MPPED2: variants seen among roughly 807,000 people sequenced by gnomAD.
The protein encoded by MPPED2 is metallophosphoesterase domain containing 2.
MPPED2 carries 5 observed loss-of-function variants against 33.0 expected under a neutral mutation model. The ratio of observed to expected loss-of-function variants is 0.15; its 90% CI spans 0.08 to 0.32. MPPED2 has a LOEUF of 0.32. Among genes scored for constraint, MPPED2 ranks in the 10% least tolerant of loss-of-function variants. The pLI, the probability that MPPED2 is intolerant of heterozygous loss-of-function variation, is 1.00. For missense variants in MPPED2, 275 were observed against 372.1 expected (o/e 0.74, Z 2.15); for synonymous variants, 136 against 141.9 (o/e 0.96, Z 0.29).
intron 2 of MPPED2, among the ~76,000 whole-genome samples, chr11:30,568,203 C>T (rs1956530826): frequency 6.6e-6 from 1 of 152,126 alleles, no homozygotes; most frequent in Non-Finnish European, 1.5e-5. Context: ...TGATTATGAT[C>T]CCTGCTATAA....
At chr11:30,539,858 G>C (rs1379851962) in intron 2 of MPPED2, among the ~76,000 whole-genome samples, 1 of 152,086 alleles carries the variant, frequency 6.6e-6, no homozygotes, top group Non-Finnish European at 1.5e-5. Flanking sequence ...GAACTCCTGG[G>C]CTCAAGTAAT....
intron 2 of MPPED2, among the ~76,000 whole-genome samples, chr11:30,566,220 T>C (rs544204942): frequency 9.2e-5 from 14 of 152,318 alleles, no homozygotes; most frequent in African/African-American, 3.4e-4. Flanking sequence ...TTCTGACCGA[T>C]AATTGTTGAC....
At chr11:30,500,153 G>C (rs1952490706) in intron 3 of MPPED2, among the ~76,000 whole-genome samples, 1 of 152,158 alleles carries the variant, frequency 6.6e-6, no homozygotes, top group Non-Finnish European at 1.5e-5. Flanking sequence ...AGCGTCCCTG[G>C]AATGTGACTA....
intron 6 of MPPED2, among the ~76,000 whole-genome samples, chr11:30,403,754 A>G (rs1267653736): frequency 6.6e-6 from 1 of 152,102 alleles, no homozygotes; most frequent in Non-Finnish European, 1.5e-5. Flanking sequence ...GGCTTCTCTC[A>G]AGGAATTTTC....
At chr11:30,421,022 C>A (rs1019675510) in intron 4 of MPPED2, among the ~76,000 whole-genome samples, 1 of 152,128 alleles carries the variant, frequency 6.6e-6, no homozygotes, top group Non-Finnish European at 1.5e-5. Context: ...ATTTTGAAAA[C>A]AAGCTTCTGG....
At chr11:30,464,286 C>T (rs1950620882) in intron 4 of MPPED2, among the ~76,000 whole-genome samples, 1 of 151,774 alleles carries the variant, frequency 6.6e-6, no homozygotes, top group Non-Finnish European at 1.5e-5. Context: ...CACACACACA[C>T]ACACACACAC....
Position 30,496,746 on chromosome 11 carries a change from C to T in MPPED2, c.311-1225G>A, listed in dbSNP as rs573981930. ...GGGAGGTGAGGGGAGCAAGTTCCAT[C>T]GTCAGTCCACTTGGATTTCAGCAAT... On this transcript the variant is annotated intron_variant, in intron 3 of 6. Coordinates refer to ENST00000358117, the MANE Select transcript of MPPED2 (RefSeq NM_001584.3). Among the ~76,000 whole-genome samples the T allele has an allele frequency of 1.3e-4, 20 of 152,008 alleles. No homozygotes were observed. The South Asian group carries it at 1.7e-3, about 13-fold the overall frequency.
chr11:30,399,127 G>A (rs1466007163), intron 6 of MPPED2, among the ~76,000 whole-genome samples: 1 of 150,356 alleles, frequency 6.7e-6, no homozygotes, highest in Non-Finnish European at 1.5e-5. Context: ...CTTTGACCTT[G>A]GCAGGATATG....
At chr11:30,460,698 GA>G (rs1950485075) in intron 4 of MPPED2, among the ~76,000 whole-genome samples, 2 of 152,168 alleles carry the variant, frequency 1.3e-5, no homozygotes, top group South Asian at 4.2e-4. Flanking sequence ...AGAATCAGAT[GA>G]ATACTGGTTT....
intron 4 of MPPED2, among the ~76,000 whole-genome samples, chr11:30,422,991 A>G (rs1404050828): frequency 2.0e-5 from 3 of 152,194 alleles, no homozygotes; most frequent in Non-Finnish European, 4.4e-5. Flanking sequence ...GGCAGGGGCT[A>G]AGGGAGTTAA....
intron 3 of MPPED2, among the ~76,000 whole-genome samples, chr11:30,515,161 A>C (rs1241756233): frequency 6.6e-6 from 1 of 152,194 alleles, no homozygotes; most frequent in Non-Finnish European, 1.5e-5. Flanking sequence ...TTATGAGGCA[A>C]TATCTATTAT....
chr11:30,479,050 G>T (rs1456369550), intron 4 of MPPED2, among the ~76,000 whole-genome samples: 1 of 152,086 alleles, frequency 6.6e-6, no homozygotes, highest in Non-Finnish European at 1.5e-5. Flanking sequence ...CATGTCAAGG[G>T]CCGTGGGACA....
At chr11:30,388,250 T>C (rs906261651) in exon 7 of MPPED2, 1 of 152,090 alleles carries the variant, frequency 6.6e-6, no homozygotes, top group African/African-American at 2.4e-5. Flanking sequence ...CATTGAAATA[T>C]GGAATTGTCT....
At chr11:30,527,371 T>G (rs576225856) in intron 3 of MPPED2, among the ~76,000 whole-genome samples, 5 of 151,986 alleles carry the variant, frequency 3.3e-5, no homozygotes, top group African/African-American at 9.6e-5. Flanking sequence ...GAGTTGTTTT[T>G]TTTTTTTTTA....
intron 2 of MPPED2, among the ~76,000 whole-genome samples, chr11:30,578,384 T>C (rs1957022298): frequency 6.6e-6 from 1 of 152,094 alleles, no homozygotes; most frequent in Non-Finnish European, 1.5e-5. Context: ...AGATCAGGAG[T>C]CTGGTGAAAG....
intron 4 of MPPED2, among the ~76,000 whole-genome samples, chr11:30,480,515 G>A (rs144871173): frequency 6.6e-6 from 1 of 152,014 alleles, no homozygotes; most frequent in Admixed American, 6.6e-5. Flanking sequence ...ATACACTCTT[G>A]TTAACTAACA....
Position 30,576,740 on chromosome 11 carries a change from T to C in MPPED2, c.128+3506A>G, listed in dbSNP as rs144823228. ...TGTGGAAAAATGAAACCCTGTTAAT[T>C]GCTGGGCTTCAATCATCACATCTAT... On this transcript the variant is annotated intron_variant, in intron 2 of 6. Coordinates refer to ENST00000358117, the MANE Select transcript of MPPED2 (RefSeq NM_001584.3). Among the ~76,000 whole-genome samples, 945 of 152,182 alleles carry C rather than the reference T, an allele frequency of 6.2e-3. 8 individuals carry two copies. The highest frequency in any genetic ancestry group is 9.3e-3 in the Non-Finnish European group (630 of 68,010).
At chr11:30,430,711 A>C (rs1393698321) in intron 4 of MPPED2, among the ~76,000 whole-genome samples, 1 of 152,244 alleles carries the variant, frequency 6.6e-6, no homozygotes, top group East Asian at 1.9e-4. Flanking sequence ...TGCAGAAAAA[A>C]GAATGGTTAA....
At chr11:30,564,858 C>T (rs1956376591) in intron 2 of MPPED2, among the ~76,000 whole-genome samples, 1 of 152,076 alleles carries the variant, frequency 6.6e-6, no homozygotes, top group African/African-American at 2.4e-5. Context: ...ATTCATGCCC[C>T]CCAATCTGAC....
Sources: gnomAD v4.1 joint callset for allele counts (sites outside exome capture counted in the v4.1 genomes callset) on GRCh38, gnomAD v4.1.1 for gene constraint, MANE v1.5 for transcripts, NCBI Gene and HGNC (gene_info 2026-07-23, HGNC 2026-07-21) for gene names.